The following ZNF709 variants were observed in gnomAD, a reference collection of about 807,000 sequenced individuals.
ZNF709 encodes zinc finger protein 709.
ZNF709 carries 15 observed loss-of-function variants against 10.6 expected under a neutral mutation model. The observed-to-expected ratio is 1.41, with a 90% CI of 0.95 to 2.18. ZNF709 has a LOEUF of 2.18. Among genes scored for constraint, ZNF709 ranks in the 30% most tolerant of loss-of-function variants. The pLI is 0.00. For missense variants in ZNF709, 589 were observed against 774.0 expected (o/e 0.76, Z 2.84); for synonymous variants, 194 against 238.8 (o/e 0.81, Z 1.73).
chr19:12,482,514 A>T (rs559188976), intron 1 of ZNF709, among the ~76,000 whole-genome samples: 1 of 152,088 alleles, frequency 6.6e-6, no homozygotes, highest in Non-Finnish European at 1.5e-5. Context: ...GACCCAAATG[A>T]ACTCCCCAGT....
intron 1 of ZNF709, among the ~76,000 whole-genome samples, chr19:12,475,279 A>AAAAAAAAAAAC (rs1970666881): frequency 6.6e-6 from 1 of 150,950 alleles, no homozygotes; most frequent in Non-Finnish European, 1.5e-5. Flanking sequence ...AAAAAAAAAA[A>AAAAAAAAAAAC]AAATCTAAGC....
intron 1 of ZNF709, among the ~76,000 whole-genome samples, chr19:12,482,189 CCTCTCCCTCTCCCTCTCT>C (rs1046130778): frequency 5.6e-5 from 8 of 143,614 alleles, no homozygotes; most frequent in East Asian, 2.0e-4. Context: ...ACACACGCTC[CCTCTCCCTCTCCCTCTCT>C]CTCTCCCTCT....
At position 12,465,460 on chromosome 19, in the gene ZNF709, T is replaced by A; in HGVS notation, c.462A>T (p.Ser154=). 1 of 1,610,822 alleles carries A rather than the reference T, an allele frequency of 6.2e-7. No individual in the cohort carries two copies. Among genetic ancestry groups the A allele is most frequent in the Non-Finnish European group, 8.5e-7 (1 of 1,178,880 alleles). Residue 154 remains serine, a synonymous_variant, in exon 4 of 4, where the codon TCA becomes TCT. Transcript: ENST00000397732. ...TGTGAGTTCTTTCATGTATTCGAAA[T>A]GAACTTCGAAAGCTGAATCTTTTCC... ...ECGKRFSFRS[S]FRIHERTHTG... is the part of the protein sequence containing the mutation.
At chr19:12,480,540 G>A (rs1000339841) in intron 1 of ZNF709, among the ~76,000 whole-genome samples, 12 of 152,102 alleles carry the variant, frequency 7.9e-5, no homozygotes, top group East Asian at 5.8e-4. Flanking sequence ...AAAATTATCC[G>A]GGCGTGGTGG....
intron 1 of ZNF709, among the ~76,000 whole-genome samples, chr19:12,479,599 G>A (rs369699105): frequency 4.4e-4 from 67 of 152,208 alleles, no homozygotes; most frequent in African/African-American, 1.2e-3. Flanking sequence ...GGCCGGGTGC[G>A]ATGGCTCACG....
At chr19:12,467,139 CCCACGGTCTCCCTCTCCCTCTCTTT>C (rs1181721078) in intron 1 of ZNF709, among the ~76,000 whole-genome samples, 1 of 152,170 alleles carries the variant, frequency 6.6e-6, no homozygotes, top group Non-Finnish European at 1.5e-5. Context: ...TCTCCCTCTC[CCCACGGTCTCCCTCTCCCTCTCTTT>C]CCACGGTCTC....
At chr19:12,476,323 T>A (rs1252774116) in intron 1 of ZNF709, among the ~76,000 whole-genome samples, 1 of 150,700 alleles carries the variant, frequency 6.6e-6, no homozygotes, top group Non-Finnish European at 1.5e-5. Flanking sequence ...GCCCAGGAGG[T>A]TGAGGCTGCA....
chr19:12,481,710 A>G (rs994098556), intron 1 of ZNF709, among the ~76,000 whole-genome samples: 3 of 150,690 alleles, frequency 2.0e-5, no homozygotes, highest in South Asian at 2.1e-4. Context: ...ATCCAAAGGG[A>G]AAAAAAAACA....
intron 1 of ZNF709, among the ~76,000 whole-genome samples, chr19:12,471,852 C>T (rs1192210965): frequency 6.6e-6 from 1 of 152,162 alleles, no homozygotes; most frequent in African/African-American, 2.4e-5. Context: ...TCAAAAGTCA[C>T]AGGCAAACTT....
chr19:12,482,281 C>T (rs1223311183), intron 1 of ZNF709, among the ~76,000 whole-genome samples: 1 of 152,068 alleles, frequency 6.6e-6, no homozygotes, highest in Non-Finnish European at 1.5e-5. Context: ...AACCCACACT[C>T]AGAAAGCTAA....
intron 1 of ZNF709, 58 bp downstream of exon 1, chr19:12,484,597 G>C (rs905563128): frequency 5.0e-6 from 8 of 1,603,998 alleles, no homozygotes; most frequent in East Asian, 2.2e-5. Flanking sequence ...AGCCAGATCC[G>C]GCCGGTTTCA....
rs1417690923 is a variant in ZNF709 at position 12,462,460 on chromosome 19, T to C, written c.*1536A>G. 1 of 152,214 alleles carries C rather than the reference T, an allele frequency of 6.6e-6. No individual in the cohort carries two copies. The highest frequency in any genetic ancestry group is 1.9e-4 in the East Asian group (1 of 5,202). The allele number at this position is 152,214 out of a possible 1,614,324, so 9.4% of individuals were successfully genotyped here. ...ATATGGTTCTATCTCAGATCTCTCT[T>C]ATTAATACAAAGTCTATTATTCAAA... is the stretch of plus-strand genomic sequence containing the variant. On this transcript the variant is annotated 3_prime_UTR_variant, in exon 4 of 4. Coordinates refer to ENST00000397732, the MANE Select transcript of ZNF709 (RefSeq NM_152601.4).
intron 1 of ZNF709, among the ~76,000 whole-genome samples, chr19:12,467,913 A>T (rs1384461879): frequency 6.7e-6 from 1 of 149,140 alleles, no homozygotes; most frequent in African/African-American, 2.5e-5. Flanking sequence ...CCCGGCAGCC[A>T]CCCCATCCGG....
At position 12,472,465 on chromosome 19, in the gene ZNF709, C is replaced by T. The variant is rs534955849; in HGVS notation, c.4-5615G>A. The stretch of plus-strand genomic sequence containing the variant: ...TGAACCCGGGAGGTGGAGGTTGCAG[C>T]GAGCCCAGATCGTGCCACTGCACTC... On this transcript the variant is annotated intron_variant, in intron 1 of 3. Transcript: ENST00000397732. 2.9e-4 allele frequency among the ~76,000 whole-genome samples: 41 copies of T among 139,398 alleles called. 2 individuals carry two copies. The South Asian group carries it at 6.0e-3, about 20-fold the overall frequency. 91.5% of individuals were successfully genotyped at this position (139,398 alleles called of 152,430 possible). A position where few individuals can be genotyped will look rare whatever the true frequency, so the allele number is the denominator to read the frequency against.
chr19:12,466,459 C>G lies in ZNF709; in HGVS notation c.188+3G>C. The G allele has an allele frequency of 6.2e-7, 1 of 1,613,768 alleles. No homozygotes were observed. The highest frequency in any genetic ancestry group is 8.5e-7 in the Non-Finnish European group (1 of 1,179,786). On this transcript the variant is annotated splice_donor_region_variant and intron_variant, in intron 3 of 3. Transcript: ENST00000397732. The stretch of plus-strand genomic sequence containing the variant: ...AGTATTTTCTTTTGTAAGTACAACT[C>G]ACCTTAGCTTTCTCCCCTGATTTTT...
chr19:12,483,542 T>A (rs1445455018), intron 1 of ZNF709, among the ~76,000 whole-genome samples: 1 of 151,936 alleles, frequency 6.6e-6, no homozygotes, highest in Non-Finnish European at 1.5e-5. Context: ...TTATTTTATT[T>A]TTTTATTTTT....
At chr19:12,480,298 G>A (rs1357149459) in intron 1 of ZNF709, among the ~76,000 whole-genome samples, 1 of 152,176 alleles carries the variant, frequency 6.6e-6, no homozygotes, top group Non-Finnish European at 1.5e-5. Context: ...CTATTGGGAA[G>A]GAGTAGCATA....
At position 12,461,545 on chromosome 19, in the gene ZNF709, A is replaced by G. The variant is rs1568244220; in HGVS notation, c.*2451T>C. The G allele has an allele frequency of 2.6e-5, 4 of 152,226 alleles. No individual in the cohort carries two copies. The highest frequency in any genetic ancestry group is 1.3e-4 in the Admixed American group (2 of 15,284). The allele number at this position is 152,226 out of a possible 1,614,324, so 9.4% of individuals were successfully genotyped here. ...TAGTTGTCACGGTGGAATCAGAAAC[A>G]CATAGTCACTGGTACTGTTAACAAA... is the stretch of plus-strand genomic sequence containing the variant. On this transcript the variant is annotated 3_prime_UTR_variant, in exon 4 of 4. Coordinates refer to ENST00000397732, the MANE Select transcript of ZNF709 (RefSeq NM_152601.4).
rs571011887 is a variant in ZNF709 at position 12,467,375 on chromosome 19, A to G, written c.4-525T>C. The stretch of plus-strand genomic sequence containing the variant: ...CCAGGCTGGTCTCCAGCTCCTAACC[A>G]TGAGTGATCTGCCAGCCTCGGCCTC... On this transcript the variant is annotated intron_variant, in intron 1 of 3. Coordinates refer to ENST00000397732, the MANE Select transcript of ZNF709 (RefSeq NM_152601.4). 5.8e-3 allele frequency among the ~76,000 whole-genome samples: 876 copies of G among 152,246 alleles called. 4 individuals carry two copies. The highest frequency in any genetic ancestry group is 8.6e-3 in the Non-Finnish European group (585 of 68,012).
Sources: allele counts gnomAD v4.1 joint callset (sites outside exome capture counted in the v4.1 genomes callset), GRCh38; gene constraint gnomAD v4.1.1; transcripts MANE v1.5; gene names NCBI Gene and HGNC (gene_info 2026-07-23, HGNC 2026-07-21).